NLRP5: variants seen among roughly 807,000 people sequenced by gnomAD.
NLRP5 encodes the protein NLR family pyrin domain containing 5.
A neutral mutation model predicts 113.1 loss-of-function variants in NLRP5; 93 were observed. The ratio of observed to expected loss-of-function variants is 0.82; its 90% CI spans 0.70 to 0.98. NLRP5 has a LOEUF of 0.98. Among genes scored for constraint, NLRP5 ranks in the 50% least tolerant of loss-of-function variants. The probability of loss-of-function intolerance (pLI) is 0.00; values close to 1 mark genes in which losing one functional copy is unlikely to be tolerated. For synonymous variants in NLRP5, 751 were observed against 600.7 expected (o/e 1.25, Z -3.66); for missense variants, 1,808 against 1,514.3 (o/e 1.19, Z -3.22).
chr19:56,034,705 C>T (rs550994784), intron 9 of NLRP5, among the ~76,000 whole-genome samples: 35 of 152,270 alleles, frequency 2.3e-4, no homozygotes, highest in Admixed American at 8.5e-4. Context: ...GCTCCATCAG[C>T]GCTTGAGATC....
chr19:55,991,067 C>T, the NLRP5 span, among the ~76,000 whole-genome samples: 2 of 152,072 alleles, frequency 1.3e-5, no homozygotes, highest in African/African-American at 2.4e-5. Flanking sequence ...TTTGTCATGT[C>T]TCAAATTTAT....
intron 10 of NLRP5, among the ~76,000 whole-genome samples, chr19:56,040,198 C>T (rs901406814): frequency 6.6e-6 from 1 of 152,148 alleles, no homozygotes; most frequent in Admixed American, 6.5e-5. Context: ...CCTCCTGCCT[C>T]AGCCTCTCAA....
At position 56,050,582 on chromosome 19, in the gene NLRP5, A is replaced by C. The variant is rs560854126; in HGVS notation, c.3122A>C (p.Asp1041Ala). The C allele has an allele frequency of 2.5e-6, 4 of 1,613,124 alleles. No homozygotes were observed. Among genetic ancestry groups the C allele is most frequent in the Non-Finnish European group, 3.4e-6 (4 of 1,179,446 alleles). ...AGAGAACCATCTTGTCATCTCCAGG[A>C]CCTGGAGTGAGTTTCCCATGGGCGT... Residue 1041 changes from aspartate to alanine, a missense_variant, in exon 12 of 15, where the codon GAC becomes GCC. Asp to Ala is a moderately radical substitution (Grantham distance 126, BLOSUM62 -2). Transcript: ENST00000390649.
rs1238116991 is a variant in NLRP5 at position 56,050,501 on chromosome 19, G to GTTA, written c.3041_3042insTTA (p.Ser1014_Leu1015insTyr). ...GGTAACTCATGGCTGACGCACCTGA[G>GTTA]CCTTAGCATGAACCCTGTGGAAGAC... On this transcript the variant is annotated inframe_insertion, in exon 12 of 15. Coordinates refer to ENST00000390649, the MANE Select transcript of NLRP5 (RefSeq NM_153447.4). 6.2e-7 allele frequency: 1 copy of GTTA among 1,613,908 alleles called. No individual in the cohort carries two copies. The highest frequency in any genetic ancestry group is 1.1e-5 in the South Asian group (1 of 91,084).
chr19:56,040,860 G>A, intron 10 of NLRP5, 62 bp from the exon 11 acceptor site: 1 of 1,415,900 alleles, frequency 7.1e-7, no homozygotes, highest in South Asian at 1.2e-5. Context: ...TTGTAAAGGA[G>A]GGAAAGATGG....
At position 56,027,109 on chromosome 19, in the gene NLRP5, A is replaced by G. The variant is rs758499725; in HGVS notation, c.876A>G (p.Lys292=). Residue 292 remains lysine, a synonymous_variant, in exon 7 of 15, where the codon AAA becomes AAG. Coordinates refer to ENST00000390649, the MANE Select transcript of NLRP5 (RefSeq NM_153447.4). ...TGCACGGAAAGTCAGGAATTGGGAA[A>G]TCGGCTCTAGCCAGAAGGATCGTGC... 46 of 1,579,846 alleles carry G rather than the reference A, an allele frequency of 2.9e-5. No homozygotes were observed. The South Asian group carries it at 3.7e-4, about 13-fold the overall frequency.
chr19:56,054,067 G>C (rs368244364), intron 13 of NLRP5, among the ~76,000 whole-genome samples: 1 of 152,148 alleles, frequency 6.6e-6, no homozygotes, highest in Non-Finnish European at 1.5e-5. Flanking sequence ...CGACCCCTGC[G>C]TGCTAGTCCT....
chr19:56,018,059 T>C (rs1391858399), intron 4 of NLRP5, among the ~76,000 whole-genome samples: 1 of 152,230 alleles, frequency 6.6e-6, no homozygotes, highest in Non-Finnish European at 1.5e-5. Context: ...TCTTCTGTAT[T>C]TCTGTGGTGT....
intron 6 of NLRP5, among the ~76,000 whole-genome samples, chr19:56,025,495 T>G (rs564131393): frequency 9.9e-5 from 15 of 152,150 alleles, no homozygotes; most frequent in African/African-American, 3.4e-4. Context: ...AAGCTCCACC[T>G]TCTGCGTTCA....
At chr19:56,033,293 C>T (rs1460785866) in intron 8 of NLRP5, among the ~76,000 whole-genome samples, 1 of 152,130 alleles carries the variant, frequency 6.6e-6, no homozygotes, top group East Asian at 1.9e-4. Context: ...GTTACTGAAG[C>T]AGGCTCCTTG....
At chr19:56,009,695 T>G (rs1269033019) in intron 3 of NLRP5, among the ~76,000 whole-genome samples, 1 of 152,146 alleles carries the variant, frequency 6.6e-6, no homozygotes, top group Non-Finnish European at 1.5e-5. Flanking sequence ...GCAGGCTGCA[T>G]AGACACCATG....
Position 56,026,965 on chromosome 19 carries a change from T to G in NLRP5, c.732T>G (p.Ala244=), listed in dbSNP as rs1982877720. The G allele has an allele frequency of 6.4e-7, 1 of 1,551,588 alleles. No homozygotes were observed. Among genetic ancestry groups the G allele is most frequent in the Non-Finnish European group, 8.7e-7 (1 of 1,146,992 alleles). The change falls in exon 7 of 15, where the codon GCT becomes GCG. Residue 244 remains alanine (A), a synonymous_variant. Transcript: ENST00000390649. ...AGAGTCACGTGATGACCAAATTCGC[T>G]GAGGAGGAGGATGTACGTCGTAGTT...
the NLRP5 span, among the ~76,000 whole-genome samples, chr19:55,987,537 T>G: frequency 6.6e-6 from 1 of 152,184 alleles, no homozygotes; most frequent in Non-Finnish European, 1.5e-5. Context: ...TCTGACGGTG[T>G]TGTTTGTCCT....
chr19:55,993,202 T>G, the NLRP5 span, among the ~76,000 whole-genome samples: 1 of 151,736 alleles, frequency 6.6e-6, no homozygotes, highest in Middle Eastern at 3.2e-3. Context: ...TCAGGGGACT[T>G]AGCATATTCA....
chr19:56,011,146 A>G (rs1000577925), intron 3 of NLRP5, among the ~76,000 whole-genome samples: 1 of 146,762 alleles, frequency 6.8e-6, no homozygotes, highest in East Asian at 1.9e-4. Context: ...AAATGAGACT[A>G]TGTCTTTAAA....
intron 1 of NLRP5, chr19:55,999,885 C>A: frequency 5.8e-6 from 5 of 867,860 alleles, no homozygotes; most frequent in Non-Finnish European, 9.8e-6. Flanking sequence ...CTGTCTGCTG[C>A]AATGTTATTA....
At chr19:56,046,399 C>CATGTGTGTGTGTGT (rs1555770181) in intron 11 of NLRP5, among the ~76,000 whole-genome samples, 42 of 148,070 alleles carry the variant, frequency 2.8e-4, no homozygotes, top group Admixed American at 4.1e-4. Context: ...TTTGTAGTTT[C>CATGTGTGTGTGTGT]GTGTGTGTGT....
intron 13 of NLRP5, among the ~76,000 whole-genome samples, chr19:56,055,762 G>A (rs192962551): frequency 6.3e-4 from 96 of 151,390 alleles, no homozygotes; most frequent in Non-Finnish European, 9.3e-4. Context: ...AGCCAGGATG[G>A]TCTCAATCTC....
At chr19:56,054,606 A>G (rs1984059574) in intron 13 of NLRP5, among the ~76,000 whole-genome samples, 1 of 150,618 alleles carries the variant, frequency 6.6e-6, no homozygotes, top group Admixed American at 6.6e-5. Flanking sequence ...GTTCCACCAC[A>G]TGGATGAGCC....
Sources: allele counts gnomAD v4.1 joint callset (sites outside exome capture counted in the v4.1 genomes callset), GRCh38; gene constraint gnomAD v4.1.1; transcripts MANE v1.5; gene names NCBI Gene and HGNC (gene_info 2026-07-23, HGNC 2026-07-21).